The following ABCC8 variants were observed in gnomAD, a reference collection of about 807,000 sequenced individuals.
The protein encoded by ABCC8 is ATP binding cassette subfamily C member 8.
In ABCC8, 137 loss-of-function variants were observed where a neutral mutation model predicts 188.0. The ratio of observed to expected loss-of-function variants is 0.73; its 90% CI spans 0.63 to 0.84. The LOEUF (loss-of-function observed/expected upper bound fraction) is 0.84. Among genes scored for constraint, ABCC8 ranks in the 40% least tolerant of loss-of-function variants. The pLI is 0.00. For missense variants in ABCC8, 1,750 were observed against 2,072.7 expected, an observed-to-expected ratio of 0.84 and a Z score of 3.02; for synonymous variants, 797 against 846.5, an observed-to-expected ratio of 0.94 and a Z score of 1.01.
chr11:17,470,478 G>T (rs1446149922), intron 2 of ABCC8, among the ~76,000 whole-genome samples: 6 of 152,116 alleles, frequency 3.9e-5, no homozygotes, highest in Non-Finnish European at 7.4e-5. Context: ...GGGGTCTCTT[G>T]AACAGTGCAG....
intron 17 of ABCC8, chr11:17,415,544 G>T: frequency 1.4e-6 from 1 of 708,304 alleles, no homozygotes; most frequent in Non-Finnish European, 1.7e-6. Flanking sequence ...CCACGTGGGT[G>T]TGTGAGGAGG....
intron 16 of ABCC8, among the ~76,000 whole-genome samples, chr11:17,421,431 G>A (rs564347803): frequency 7.2e-5 from 11 of 152,306 alleles, no homozygotes; most frequent in African/African-American, 2.4e-4. Context: ...GCAGCCTCTT[G>A]AAGGTCTTAA....
At position 17,445,933 on chromosome 11, in the gene ABCC8, C is replaced by T. The variant is rs563224457; in HGVS notation, c.1332+2583G>A. Among the ~76,000 whole-genome samples the T allele has an allele frequency of 1.3e-4, 20 of 151,344 alleles. No homozygotes were observed. The South Asian group carries it at 3.1e-3, about 24-fold the overall frequency. On this transcript the variant is annotated intron_variant, in intron 8 of 38. Transcript: ENST00000389817. ...CCCTGTGAGTACTAGTAACGGTAAC[C>T]GTGCAGCAGGTTTAGTAGACAAAAC...
intron 16 of ABCC8, among the ~76,000 whole-genome samples, chr11:17,425,914 T>A (rs1955561484): frequency 6.8e-6 from 1 of 146,486 alleles, no homozygotes; most frequent in Middle Eastern, 3.2e-3. Flanking sequence ...CAACTCCCAC[T>A]TATGAGTGAG....
intron 26 of ABCC8, among the ~76,000 whole-genome samples, chr11:17,406,275 T>A (rs2077144): frequency 6.6e-6 from 1 of 151,952 alleles, no homozygotes; most frequent in Non-Finnish European, 1.5e-5. Context: ...GGAGAGAGAG[T>A]GAGGGGAGGG....
At chr11:17,414,718 G>A (rs1954982835) in intron 18 of ABCC8, 108 bp from the exon 19 acceptor site, 12 of 1,560,234 alleles carry the variant, frequency 7.7e-6, no homozygotes, top group Non-Finnish European at 9.5e-6. Context: ...GGGATGGGGA[G>A]GTGCAGTTGG....
chr11:17,451,918 C>G (rs1449013011), intron 7 of ABCC8, among the ~76,000 whole-genome samples: 1 of 152,178 alleles, frequency 6.6e-6, no homozygotes, highest in Admixed American at 6.5e-5. Flanking sequence ...CTTCTTCTGG[C>G]TAGTTTAAAT....
intron 17 of ABCC8, among the ~76,000 whole-genome samples, chr11:17,415,676 C>T (rs911558720): frequency 6.6e-6 from 1 of 152,240 alleles, no homozygotes; most frequent in Non-Finnish European, 1.5e-5. Flanking sequence ...GACCCAGCCT[C>T]TGCATTCAGG....
At chr11:17,443,481 A>G (rs1164425262) in intron 8 of ABCC8, 169 bp from the exon 9 acceptor site, 1 of 1,099,312 alleles carries the variant, frequency 9.1e-7, no homozygotes, top group East Asian at 2.6e-5. Context: ...AAACAAAGCA[A>G]TTTCAAAAGG....
At chr11:17,408,273 C>T (rs1954635861) in intron 23 of ABCC8, 119 bp downstream of exon 23, 3 of 978,294 alleles carry the variant, frequency 3.1e-6, no homozygotes, top group African/African-American at 1.6e-5. Flanking sequence ...CCAGCTCCCA[C>T]ATCTGCCCTT....
chr11:17,467,401 G>A (rs1432573585), intron 3 of ABCC8, among the ~76,000 whole-genome samples: 1 of 152,176 alleles, frequency 6.6e-6, no homozygotes, highest in African/African-American at 2.4e-5. Flanking sequence ...CTGGGCACAA[G>A]CAAACAAAAC....
At chr11:17,417,636 G>C (rs1370986644) in intron 16 of ABCC8, among the ~76,000 whole-genome samples, 2 of 152,090 alleles carry the variant, frequency 1.3e-5, no homozygotes, top group Non-Finnish European at 2.9e-5. Flanking sequence ...ATATACTTCT[G>C]ACATGAACAT....
chr11:17,450,284 TTC>T (rs1956727757), intron 7 of ABCC8, among the ~76,000 whole-genome samples: 1 of 136,828 alleles, frequency 7.3e-6, no homozygotes, highest in African/African-American at 3.2e-5. Context: ...CTTTCTTTCT[TTC>T]TTTCTTTCTT....
chr11:17,396,838 G>A, intron 33 of ABCC8, 78 bp downstream of exon 33: 7 of 1,578,336 alleles, frequency 4.4e-6, no homozygotes, highest in East Asian at 2.3e-5. Flanking sequence ...AGGTGACTGC[G>A]AAGCCATCCA....
intron 4 of ABCC8, among the ~76,000 whole-genome samples, chr11:17,462,882 A>C (rs751325632): frequency 3.9e-5 from 6 of 152,168 alleles, no homozygotes; most frequent in Non-Finnish European, 4.4e-5. Flanking sequence ...AAAAAACCTG[A>C]ATAGGTATTT....
At chr11:17,459,033 C>T (rs1195888730) in intron 6 of ABCC8, among the ~76,000 whole-genome samples, 1 of 152,146 alleles carries the variant, frequency 6.6e-6, no homozygotes, top group Admixed American at 6.5e-5. Flanking sequence ...CTGTAAATGC[C>T]CAGACTGTGG....
rs139668859 is a variant in ABCC8, at chr11:17,440,064, C to A, written c.1630+2656G>T. On this transcript the variant is annotated intron_variant, in intron 10 of 38. Transcript: ENST00000389817. ...TGAGTACATATCTCTTAGGAGCAGT[C>A]AAAGCAGATGTCACCTGCCCCCACT... 2.2e-3 allele frequency among the ~76,000 whole-genome samples: 332 copies of A among 152,290 alleles called. 1 individual carries two copies. The highest frequency in any genetic ancestry group is 3.5e-3 in the Non-Finnish European group (236 of 68,020).
chr11:17,472,193 T>C (rs1848518005), intron 2 of ABCC8, among the ~76,000 whole-genome samples: 1 of 152,248 alleles, frequency 6.6e-6, no homozygotes, highest in Non-Finnish European at 1.5e-5. Context: ...AAATATTTCA[T>C]GACATGGCTT....
intron 3 of ABCC8, 125 bp from the exon 4 acceptor site, chr11:17,463,729 A>C: frequency 7.9e-7 from 1 of 1,272,330 alleles, no homozygotes; most frequent in Non-Finnish European, 1.1e-6. Context: ...TACATTTCCG[A>C]GTAAGTGGAT....
Sources: gnomAD v4.1 joint callset for allele counts (sites outside exome capture counted in the v4.1 genomes callset) on GRCh38, gnomAD v4.1.1 for gene constraint, MANE v1.5 for transcripts, NCBI Gene and HGNC (gene_info 2026-07-23, HGNC 2026-07-21) for gene names.